Variants in ANKRD17 observed in about 807,000 individuals in gnomAD.
ANKRD17 encodes ankyrin repeat domain 17, also known as ankyrin repeat domain-containing protein 17.
In ANKRD17, 19 loss-of-function variants were observed where a neutral mutation model predicts 229.7. The observed-to-expected ratio is 0.08, with a 90% CI of 0.06 to 0.12. The LOEUF (loss-of-function observed/expected upper bound fraction) is 0.12, where lower values mean the gene tolerates loss of function less well. Among genes scored for constraint, ANKRD17 ranks in the 10% least tolerant of loss-of-function variants. The pLI, the probability that ANKRD17 is intolerant of heterozygous loss-of-function variation, is 1.00. For missense variants in ANKRD17, 2,176 were observed against 3,176.8 expected (o/e 0.68, Z 7.57); for synonymous variants, 1,112 against 1,146.1 (o/e 0.97, Z 0.60).
rs139182725 is a variant in ANKRD17, at chr4:73,090,314, G to T, written c.6961+353C>A. On this transcript the variant is annotated intron_variant, in intron 29 of 33. Transcript: ENST00000358602. ...AATCCCAGCTACTCGGGAGGCTGAGGCAGGAGAATCACTTGAATCTGGGAG... is the reference window on the plus strand; with the variant it reads ...AATCCCAGCTACTCGGGAGGCTGAGTCAGGAGAATCACTTGAATCTGGGAG... Among the ~76,000 whole-genome samples the T allele has an allele frequency of 1.7e-3, 261 of 152,250 alleles. 2 individuals carry two copies. In the Middle Eastern group the frequency reaches 0.031, roughly 18 times the overall value.
At chr4:73,121,780 AAT>A (rs747362863) in intron 18 of ANKRD17, 21 bp from the exon 19 acceptor site, 2 of 1,571,710 alleles carry the variant, frequency 1.3e-6, no homozygotes, top group East Asian at 2.2e-5. Context: ...AATAGAAAAA[AAT>A]ATGTTTTCTT....
intron 1 of ANKRD17, among the ~76,000 whole-genome samples, chr4:73,230,712 A>G (rs1373749735): frequency 6.6e-6 from 1 of 152,226 alleles, no homozygotes; most frequent in African/African-American, 2.4e-5. Flanking sequence ...TCCTATGTAC[A>G]GAATGAAATA....
At chr4:73,221,600 A>G (rs1741862437) in intron 1 of ANKRD17, among the ~76,000 whole-genome samples, 1 of 152,178 alleles carries the variant, frequency 6.6e-6, no homozygotes, top group Non-Finnish European at 1.5e-5. Context: ...GAACCACTAA[A>G]AAGTCATGTG....
chr4:73,219,101 A>G lies in ANKRD17; in HGVS notation c.393+39175T>C, dbSNP rs557690403. On this transcript the variant is annotated intron_variant, in intron 1 of 33. Coordinates refer to ENST00000358602, the MANE Select transcript of ANKRD17 (RefSeq NM_032217.5). ...ACCCATATCTGTCCAACATTTCTCA[A>G]CTTGATTCCAAAACTTCTTGATGAA... 2.6e-5 allele frequency among the ~76,000 whole-genome samples: 4 copies of G among 152,214 alleles called. No homozygotes were observed. The South Asian group carries it at 8.3e-4, about 32-fold the overall frequency.
intron 1 of ANKRD17, among the ~76,000 whole-genome samples, chr4:73,193,023 A>T (rs1737342941): frequency 6.6e-6 from 1 of 152,134 alleles, no homozygotes; most frequent in Non-Finnish European, 1.5e-5. Flanking sequence ...AAAATATATA[A>T]TCTACAATTA....
Position 73,120,905 on chromosome 4 carries a change from T to A in ANKRD17, c.3825A>T (p.Lys1275Asn). The change falls in exon 20 of 34, where the codon AAA becomes AAT. Residue 1275 changes from lysine (K) to asparagine (N), a missense_variant. By Grantham distance (94) the Lys-to-Asn change is moderately conservative. Coordinates refer to ENST00000358602, the MANE Select transcript of ANKRD17 (RefSeq NM_032217.5). ...CCTTAGCTCTGTGTTCAACATTTGC[T>A]TTTCTATCAAGCAGAAGACTAACCA... ...TEVVSLLLDR[K>N]ANVEHRAKTG... 1 of 1,613,660 alleles carries A rather than the reference T, an allele frequency of 6.2e-7. No individual in the cohort carries two copies. Among genetic ancestry groups the A allele is most frequent in the Non-Finnish European group, 8.5e-7 (1 of 1,179,844 alleles).
chr4:73,168,734 A>G (rs1046895534), intron 2 of ANKRD17, among the ~76,000 whole-genome samples: 1 of 152,088 alleles, frequency 6.6e-6, no homozygotes, highest in Admixed American at 6.5e-5. Context: ...AATGCACATA[A>G]CCCTGTTTTA....
intron 2 of ANKRD17, among the ~76,000 whole-genome samples, chr4:73,163,938 C>T (rs62309658): frequency 3.9e-5 from 6 of 151,928 alleles, no homozygotes; most frequent in Admixed American, 1.3e-4. Flanking sequence ...ATGATTATAG[C>T]CATAAAAAAA....
intron 14 of ANKRD17, among the ~76,000 whole-genome samples, 173 bp downstream of exon 14, chr4:73,141,568 C>T (rs544879733): frequency 9.8e-5 from 15 of 152,286 alleles, no homozygotes; most frequent in Non-Finnish European, 1.5e-4. Context: ...AATTGTAGCA[C>T]AAATTAGTGC....
At chr4:73,226,389 G>GTTTTTTTTTTTTTTT (rs1157719883) in intron 1 of ANKRD17, among the ~76,000 whole-genome samples, 4 of 87,612 alleles carry the variant, frequency 4.6e-5, no homozygotes, top group Non-Finnish European at 6.3e-5. Context: ...CTTTTCTTCT[G>GTTTTTTTTTTTTTTT]TTTTTTTTTT....
chr4:73,137,351 T>C (rs749388793), intron 15 of ANKRD17, among the ~76,000 whole-genome samples: 1 of 152,104 alleles, frequency 6.6e-6, no homozygotes. Context: ...GTTTGGCAAG[T>C]GTGAAGAACA....
At chr4:73,245,491 T>C (rs759555114) in intron 1 of ANKRD17, among the ~76,000 whole-genome samples, 4 of 152,206 alleles carry the variant, frequency 2.6e-5, no homozygotes, top group Non-Finnish European at 5.9e-5. Context: ...GTATCTTCCC[T>C]TCCTGACTGC....
intron 27 of ANKRD17, among the ~76,000 whole-genome samples, chr4:73,094,968 C>G (rs1339460150): frequency 6.6e-6 from 1 of 151,908 alleles, no homozygotes. Flanking sequence ...GTCAGGAGTT[C>G]GAGACCAGCC....
At chr4:73,156,250 T>A in intron 3 of ANKRD17, 84 bp from the exon 4 acceptor site, 3 of 1,457,654 alleles carry the variant, frequency 2.1e-6, no homozygotes, top group Non-Finnish European at 2.7e-6. Flanking sequence ...GATTGTTTTG[T>A]TTTTTGTTGT....
chr4:73,115,383 C>T (rs145629956), intron 23 of ANKRD17, among the ~76,000 whole-genome samples: 5,317 of 152,200 alleles, frequency 0.035, 110 homozygotes, highest in Non-Finnish European at 0.049. Flanking sequence ...CTCCACCTTC[C>T]GGGTTCAAGC....
rs80012240 is a variant in ANKRD17 at position 73,144,762 on chromosome 4, T to C, written c.1940A>G (p.Gln647Arg). The C allele has an allele frequency of 6.3e-7, 1 of 1,587,162 alleles. No individual in the cohort carries two copies. The highest frequency in any genetic ancestry group is 2.3e-5 in the East Asian group (1 of 43,826). The part of the protein sequence containing the change: ...AARAGHVCTV[Q>R]FLISKGANVN... ...AAACCTACCTTTACTAATTAAGAAC[T>C]GAACAGTACAAACATGACCAGCTCT... Residue 647 changes from glutamine (Q) to arginine (R), a missense_variant, in exon 11 of 34, where the codon CAG becomes CGG. Transcript: ENST00000358602.
intron 3 of ANKRD17, among the ~76,000 whole-genome samples, chr4:73,157,347 G>A (rs1375424922): frequency 6.6e-6 from 1 of 151,984 alleles, no homozygotes; most frequent in African/African-American, 2.4e-5. Flanking sequence ...AAATTTGGGG[G>A]GAAGTTTCAA....
chr4:73,140,411 T>G, intron 14 of ANKRD17, 128 bp from the exon 15 acceptor site: 1 of 909,580 alleles, frequency 1.1e-6, no homozygotes, highest in Non-Finnish European at 1.5e-6. Context: ...GAAAATGCAC[T>G]GTTAAAAAAT....
At chr4:73,099,092 GAGA>G (rs1723636484) in intron 25 of ANKRD17, 7 of 854,426 alleles carry the variant, frequency 8.2e-6, no homozygotes, top group East Asian at 5.1e-5. Flanking sequence ...CAAAAAACTG[GAGA>G]AGGAGGAAGA....
Sources: gnomAD v4.1 joint callset for allele counts (sites outside exome capture counted in the v4.1 genomes callset) on GRCh38, gnomAD v4.1.1 for gene constraint, MANE v1.5 for transcripts, NCBI Gene and HGNC (gene_info 2026-07-23, HGNC 2026-07-21) for gene names.